KALRN: variants seen among roughly 807,000 people sequenced by gnomAD.
KALRN encodes the protein kalirin.
KALRN carries 70 observed loss-of-function variants against 353.7 expected under a neutral mutation model. That is an observed-to-expected ratio of 0.20 (90% CI 0.16 to 0.24). The LOEUF (loss-of-function observed/expected upper bound fraction) is 0.24, where lower values mean the gene tolerates loss of function less well. KALRN is among the 10% of genes least tolerant of loss of function. The probability of loss-of-function intolerance (pLI) is 1.00; values close to 1 mark genes in which losing one functional copy is unlikely to be tolerated. For synonymous variants in KALRN, 1,391 were observed against 1,434.8 expected (o/e 0.97, Z 0.69); for missense variants, 2,791 against 3,756.7 (o/e 0.74, Z 6.72).
chr3:124,333,846 C>T (rs1249346419), intron 8 of KALRN, among the ~76,000 whole-genome samples: 1 of 152,200 alleles, frequency 6.6e-6, no homozygotes, highest in Non-Finnish European at 1.5e-5. Context: ...CGAGATCGCA[C>T]CATTGATTGC....
intron 34 of KALRN, among the ~76,000 whole-genome samples, chr3:124,629,879 T>A (rs2080565689): frequency 6.6e-6 from 1 of 152,160 alleles, no homozygotes; most frequent in South Asian, 2.1e-4. Context: ...GTAAGAGGTC[T>A]GCGAAAATAA....
At chr3:124,098,394 C>T (rs2061598617) in intron 1 of KALRN, among the ~76,000 whole-genome samples, 1 of 152,186 alleles carries the variant, frequency 6.6e-6, no homozygotes, top group Non-Finnish European at 1.5e-5. Flanking sequence ...TCGTTCCTAC[C>T]TCTGGTCTCC....
intron 10 of KALRN, among the ~76,000 whole-genome samples, chr3:124,362,889 TA>T: frequency 6.6e-6 from 1 of 152,282 alleles, no homozygotes; most frequent in South Asian, 2.1e-4. Flanking sequence ...TTCATTTGCT[TA>T]AAAAAATACA....
At chr3:124,280,247 A>G (rs2075206103) in intron 5 of KALRN, among the ~76,000 whole-genome samples, 1 of 152,190 alleles carries the variant, frequency 6.6e-6, no homozygotes, top group South Asian at 2.1e-4. Context: ...TGAGGAAGCC[A>G]CAGCTTTGTG....
intron 33 of KALRN, among the ~76,000 whole-genome samples, chr3:124,559,197 G>A (rs1466579072): frequency 6.6e-6 from 1 of 152,238 alleles, no homozygotes; most frequent in East Asian, 1.9e-4. Context: ...GAGGACAGGA[G>A]GAGCTCCTTC....
chr3:124,607,011 G>T (rs2077415826), intron 34 of KALRN, among the ~76,000 whole-genome samples: 1 of 152,138 alleles, frequency 6.6e-6, no homozygotes, highest in Non-Finnish European at 1.5e-5. Context: ...GGGCCATTTG[G>T]CAAAATCTAT....
chr3:124,696,628 G>T (rs937842627), intron 54 of KALRN, among the ~76,000 whole-genome samples: 1 of 152,086 alleles, frequency 6.6e-6, no homozygotes, highest in Non-Finnish European at 1.5e-5. Context: ...CAATCCTCCC[G>T]TCTTGGCCTC....
chr3:124,407,139 G>T (rs1406170372), intron 13 of KALRN, among the ~76,000 whole-genome samples: 1 of 152,006 alleles, frequency 6.6e-6, no homozygotes, highest in Non-Finnish European at 1.5e-5. Flanking sequence ...AATTGCCCTT[G>T]AAGCCTTGGT....
At chr3:124,641,668 A>G (rs1379013763) in intron 37 of KALRN, among the ~76,000 whole-genome samples, 1 of 152,214 alleles carries the variant, frequency 6.6e-6, no homozygotes, top group African/African-American at 2.4e-5. Context: ...TTGTAAACTG[A>G]TAATCAAGCA....
At chr3:124,481,194 T>C (rs2061950871) in intron 27 of KALRN, among the ~76,000 whole-genome samples, 1 of 152,108 alleles carries the variant, frequency 6.6e-6, no homozygotes, top group Admixed American at 6.6e-5. Flanking sequence ...TTTTTCTCTT[T>C]TTTGTTGTTT....
At chr3:124,651,659 A>G (rs2083436422) in intron 38 of KALRN, among the ~76,000 whole-genome samples, 1 of 139,654 alleles carries the variant, frequency 7.2e-6, no homozygotes, top group Non-Finnish European at 1.5e-5. Context: ...TTTTTTTGAG[A>G]CAGGGTCTTG....
intron 33 of KALRN, among the ~76,000 whole-genome samples, chr3:124,560,855 T>A (rs2071905587): frequency 6.6e-6 from 1 of 152,114 alleles, no homozygotes; most frequent in Admixed American, 6.5e-5. Flanking sequence ...CCAGCCTGGG[T>A]TTCAGAATGA....
chr3:124,579,709 C>T (rs2074443379), intron 34 of KALRN, among the ~76,000 whole-genome samples: 1 of 152,204 alleles, frequency 6.6e-6, no homozygotes, highest in Admixed American at 6.5e-5. Flanking sequence ...CTTCTTCCCA[C>T]ATTGTTATAG....
At chr3:124,298,540 C>T (rs1214322823) in intron 5 of KALRN, among the ~76,000 whole-genome samples, 1 of 152,148 alleles carries the variant, frequency 6.6e-6, no homozygotes, top group Non-Finnish European at 1.5e-5. Context: ...TTATCTCACT[C>T]ATTTTCTCTT....
At chr3:124,517,529 C>T (rs1180437376) in intron 33 of KALRN, among the ~76,000 whole-genome samples, 1 of 152,228 alleles carries the variant, frequency 6.6e-6, no homozygotes, top group African/African-American at 2.4e-5. Flanking sequence ...GAATATATCA[C>T]TCTTCCAAGA....
intron 1 of KALRN, among the ~76,000 whole-genome samples, chr3:124,048,156 G>C (rs538829354): frequency 7.2e-5 from 11 of 152,226 alleles, no homozygotes; most frequent in Admixed American, 5.9e-4. Context: ...TAAGCCAATT[G>C]ACCTTTATAT....
Position 124,669,348 on chromosome 3 carries a change from A to G in KALRN, c.6703+2165A>G, listed in dbSNP as rs1174775149. Among the ~76,000 whole-genome samples the G allele has an allele frequency of 2.6e-5, 4 of 152,348 alleles. No individual in the cohort carries two copies. In the East Asian group the frequency reaches 7.7e-4, roughly 29 times the overall value. On this transcript the variant is annotated intron_variant, in intron 47 of 59. Coordinates refer to ENST00000682506, the MANE Select transcript of KALRN (RefSeq NM_001388419.1). ...TCAGACATAAGACACTGTATCGATC[A>G]GTCAAAAACAAACCCTGTAGGGACG...
intron 26 of KALRN, among the ~76,000 whole-genome samples, chr3:124,476,055 C>T (rs1197559384): frequency 1.3e-5 from 2 of 151,826 alleles, no homozygotes; most frequent in African/African-American, 4.8e-5. Context: ...TCATCATCTC[C>T]TAGGTAGTAC....
chr3:124,098,260 C>T (rs1199590010), intron 1 of KALRN, among the ~76,000 whole-genome samples: 1 of 152,178 alleles, frequency 6.6e-6, no homozygotes, highest in Non-Finnish European at 1.5e-5. Context: ...TTGCTGGTCA[C>T]TGCTTGGCAC....
Sources: gnomAD v4.1 joint callset for allele counts (sites outside exome capture counted in the v4.1 genomes callset) on GRCh38, gnomAD v4.1.1 for gene constraint, MANE v1.5 for transcripts, NCBI Gene and HGNC (gene_info 2026-07-23, HGNC 2026-07-21) for gene names.